The following LAMA3 variants were observed in gnomAD, a reference collection of about 807,000 sequenced individuals.
LAMA3 encodes laminin subunit alpha-3.
Under a neutral mutation model 402.0 loss-of-function variants are expected in LAMA3, and 281 were observed. The observed-to-expected ratio is 0.70, with a 90% confidence interval of 0.63 to 0.77. LAMA3 has a LOEUF of 0.77. Among genes scored for constraint, LAMA3 ranks in the 30% least tolerant of loss-of-function variants. The probability of loss-of-function intolerance (pLI) is 0.00; values close to 1 mark genes in which losing one functional copy is unlikely to be tolerated. For missense variants in LAMA3, 3,840 were observed against 4,215.5 expected (o/e 0.91, Z 2.47); for synonymous variants, 1,431 against 1,558.4 (o/e 0.92, Z 1.93).
intron 73 of LAMA3, 29 bp downstream of exon 73, chr18:23,951,806 G>T: frequency 6.5e-7 from 1 of 1,527,730 alleles, no homozygotes; most frequent in Non-Finnish European, 9.1e-7. Context: ...GATTGTTCAT[G>T]CACTAAAACA....
chr18:23,690,104 C>T (rs1568077827), intron 1 of LAMA3, 127 bp downstream of exon 1: 5 of 759,110 alleles, frequency 6.6e-6, no homozygotes, highest in Non-Finnish European at 9.8e-6. Flanking sequence ...GAAGGGCAGC[C>T]CCCATCCCCG....
intron 74 of LAMA3, 53 bp downstream of exon 74, chr18:23,953,162 T>A: frequency 6.2e-7 from 1 of 1,608,484 alleles, no homozygotes; most frequent in East Asian, 2.2e-5. Flanking sequence ...GCTCTGAACA[T>A]TCACTTCTTA....
chr18:23,887,448 T>C (rs1187029810), intron 41 of LAMA3, among the ~76,000 whole-genome samples: 2 of 152,196 alleles, frequency 1.3e-5, no homozygotes, highest in East Asian at 3.8e-4. Context: ...CGGTGAGACA[T>C]CCATTTGGCA....
intron 2 of LAMA3, among the ~76,000 whole-genome samples, chr18:23,728,231 C>T (rs138856821): frequency 6.6e-5 from 10 of 152,306 alleles, no homozygotes; most frequent in African/African-American, 1.9e-4. Flanking sequence ...TGTCCACTTA[C>T]GCCTGTTCTG....
intron 58 of LAMA3, 43 bp from the exon 59 acceptor site, chr18:23,915,246 G>T (rs764836870): frequency 6.2e-7 from 1 of 1,603,584 alleles, no homozygotes; most frequent in South Asian, 1.1e-5. Flanking sequence ...TTTGATTATT[G>T]TCCTTTGTTC....
chr18:23,811,466 G>A (rs191145260), intron 13 of LAMA3, among the ~76,000 whole-genome samples: 15 of 152,308 alleles, frequency 9.8e-5, no homozygotes, highest in Non-Finnish European at 1.5e-4. Context: ...GCAGTCAGAG[G>A]TGGGTGCTTG....
At position 23,918,398 on chromosome 18, in the gene LAMA3, C is replaced by T. The variant is rs920117240; in HGVS notation, c.7923+1703C>T. Among the ~76,000 whole-genome samples, 2 of 152,300 alleles carry T rather than the reference C, an allele frequency of 1.3e-5. No individual in the cohort carries two copies. Among genetic ancestry groups the T allele is most frequent in the East Asian group, 1.9e-4 (1 of 5,188 alleles). Reference sequence around the variant, plus strand: ...AGAATCTACTTATTCTGACCCAAAACATGTGAAAACTTCCTGGGATCTCTA... The same window carrying T: ...AGAATCTACTTATTCTGACCCAAAATATGTGAAAACTTCCTGGGATCTCTA... On this transcript the variant is annotated intron_variant, in intron 60 of 74. Transcript: ENST00000313654. This position sits in a 1 kb window ranked among gnomAD's most constrained non-coding sequence, Gnocchi z 4.1.
chr18:23,946,464 C>T (rs1384860969), intron 70 of LAMA3, 180 bp downstream of exon 70: 1 of 735,656 alleles, frequency 1.4e-6, no homozygotes, highest in Non-Finnish European at 2.3e-6. Context: ...AACCCAAAGC[C>T]TTCATTTCTA....
In LAMA3 at chr18:23,904,709, C is replaced by A. The variant is rs759004153; in HGVS notation, c.6615+15C>A. 4 of 1,613,584 alleles carry A rather than the reference C, an allele frequency of 2.5e-6. No individual in the cohort carries two copies. The South Asian group carries it at 4.4e-5, about 18-fold the overall frequency. ...CTGCCCTCCAGGTGGGCACCTGTAC[C>A]AGCAGCTTCTCCACATTCGCTGTGG... On this transcript the variant is annotated intron_variant, in intron 51 of 74. Transcript: ENST00000313654.
At chr18:23,876,799 A>G (rs2064734207) in intron 39 of LAMA3, among the ~76,000 whole-genome samples, 1 of 152,150 alleles carries the variant, frequency 6.6e-6, no homozygotes, top group Non-Finnish European at 1.5e-5. Flanking sequence ...TCAGATGTCC[A>G]GTAACTCAAG....
intron 41 of LAMA3, among the ~76,000 whole-genome samples, chr18:23,886,311 A>G (rs539423814): frequency 2.6e-5 from 4 of 152,350 alleles, no homozygotes; most frequent in East Asian, 3.9e-4. Context: ...ACCTACCACA[A>G]TGGATATTGG....
chr18:23,779,444 A>G (rs12604908), intron 11 of LAMA3, among the ~76,000 whole-genome samples: 36,575 of 152,052 alleles, frequency 0.24, 6,514 homozygotes, highest in East Asian at 0.64. Context: ...GGATTTGCTG[A>G]GGGATTGCTA....
intron 40 of LAMA3, 76 bp downstream of exon 40, chr18:23,882,121 C>G: frequency 1.1e-6 from 1 of 894,748 alleles, no homozygotes; most frequent in Non-Finnish European, 1.9e-6. Flanking sequence ...GGTGGGAGAG[C>G]AGGTGGGGAG....
At chr18:23,890,240 C>T (rs2080612978) in intron 42 of LAMA3, 123 bp downstream of exon 42, 2 of 730,642 alleles carry the variant, frequency 2.7e-6, no homozygotes, top group East Asian at 5.3e-5. Context: ...AAGCTGTCCC[C>T]AGGATGCATA....
intron 50 of LAMA3, 144 bp from the exon 51 acceptor site, chr18:23,904,409 C>A: frequency 1.0e-6 from 1 of 1,002,276 alleles, no homozygotes; most frequent in South Asian, 1.5e-5. Context: ...ACTCTGCCAT[C>A]TCTTTATTTT....
chr18:23,915,422 G>T lies in LAMA3; in HGVS notation c.7778G>T (p.Arg2593Met). ...LNTTEVEPCR[R>M]RKEESDKNYF... ...ACAACTGAAGTGGAGCCTTGTAGAA[G>T]GTAAATAAAATGTAGAAACCAGAAA... is the stretch of plus-strand genomic sequence containing the variant. The change falls in exon 59 of 75, where the codon AGG (arginine) becomes ATG (methionine). Residue 2593 changes from arginine to methionine, a missense_variant and splice_region_variant. By Grantham distance (91) the Arg-to-Met change is moderately conservative. Transcript: ENST00000313654. 6.2e-7 allele frequency: 1 copy of T among 1,613,408 alleles called. No individual in the cohort carries two copies. The highest frequency in any genetic ancestry group is 8.5e-7 in the Non-Finnish European group (1 of 1,179,736).
At chr18:23,800,592 C>A (rs551416010) in intron 12 of LAMA3, among the ~76,000 whole-genome samples, 5 of 152,230 alleles carry the variant, frequency 3.3e-5, no homozygotes, top group African/African-American at 1.2e-4. Context: ...TTATTGTTAA[C>A]CACATTCACC....
At chr18:23,769,247 G>A (rs2062143919) in intron 8 of LAMA3, among the ~76,000 whole-genome samples, 1 of 151,922 alleles carries the variant, frequency 6.6e-6, no homozygotes, top group Non-Finnish European at 1.5e-5. Context: ...ACAATGATCT[G>A]TAATTATTTT....
At chr18:23,726,926 A>G (rs2061310831) in intron 2 of LAMA3, among the ~76,000 whole-genome samples, 2 of 152,098 alleles carry the variant, frequency 1.3e-5, no homozygotes, top group South Asian at 4.1e-4. Flanking sequence ...CCCATTGCCC[A>G]CTTTTTAATA....
Sources: allele counts gnomAD v4.1 joint callset (sites outside exome capture counted in the v4.1 genomes callset), GRCh38; gene constraint gnomAD v4.1.1; non-coding constraint Gnocchi (gnomAD v3.1); transcripts MANE v1.5; gene names NCBI Gene and HGNC (gene_info 2026-07-23, HGNC 2026-07-21).